TBCD: variants seen among roughly 807,000 people sequenced by gnomAD.
TBCD encodes tubulin folding cofactor D, also known as tubulin-specific chaperone D.
TBCD carries 105 observed loss-of-function variants against 169.3 expected under a neutral mutation model. The observed-to-expected ratio is 0.62, with a 90% CI of 0.53 to 0.73. The LOEUF (loss-of-function observed/expected upper bound fraction) is 0.73, where lower values mean the gene tolerates loss of function less well. Ranked by LOEUF, TBCD falls within the 30% of genes least tolerant of loss-of-function variation. The probability of loss-of-function intolerance (pLI) is 0.00; values close to 1 mark genes in which losing one functional copy is unlikely to be tolerated. For synonymous variants in TBCD, 700 were observed against 643.9 expected (o/e 1.09, Z -1.32); for missense variants, 1,444 against 1,600.1 (o/e 0.90, Z 1.66).
chr17:82,932,610 C>T (rs753963845), intron 33 of TBCD, 48 bp from the exon 34 acceptor site: 10 of 1,521,316 alleles, frequency 6.6e-6, no homozygotes, highest in Admixed American at 1.7e-5. Flanking sequence ...GGGAGTTGGG[C>T]GTCCTTGTTG....
At position 82,809,802 on chromosome 17, in the gene TBCD, G is replaced by A. The variant is rs760572394; in HGVS notation, c.1223+20G>A. 2 of 1,611,476 alleles carry A rather than the reference G, an allele frequency of 1.2e-6. No individual in the cohort carries two copies. The highest frequency in any genetic ancestry group is 2.2e-5 in the South Asian group (2 of 90,592). On this transcript the variant is annotated intron_variant, in intron 12 of 38. Coordinates refer to ENST00000355528, the MANE Select transcript of TBCD (RefSeq NM_005993.5). ...CTTCAGGTATGTGAGAAGAGCAGGGGAGGCGTGTGGGCCTGACCCTGAGTT... is the reference window on the plus strand; with the variant it reads ...CTTCAGGTATGTGAGAAGAGCAGGGAAGGCGTGTGGGCCTGACCCTGAGTT...
intron 37 of TBCD, among the ~76,000 whole-genome samples, chr17:82,939,679 C>T (rs2062949856): frequency 6.6e-6 from 1 of 152,236 alleles, no homozygotes; most frequent in Admixed American, 6.5e-5. Context: ...TGTCCCCAAA[C>T]AGTGTCAGGT....
At chr17:82,753,868 GTT>G (rs57196730) in intron 1 of TBCD, among the ~76,000 whole-genome samples, 179 of 125,260 alleles carry the variant, frequency 1.4e-3, no homozygotes, top group Non-Finnish European at 2.0e-3. Flanking sequence ...TAGACTAGAG[GTT>G]TTTTTTTTTT....
At chr17:82,857,100 T>G (rs1372432278) in intron 13 of TBCD, among the ~76,000 whole-genome samples, 4 of 152,258 alleles carry the variant, frequency 2.6e-5, no homozygotes, top group Non-Finnish European at 5.9e-5. Flanking sequence ...GCTTCTGGTT[T>G]CTCCATGTCC....
At chr17:82,937,610 G>T in intron 35 of TBCD, 1 of 592,446 alleles carries the variant, frequency 1.7e-6, no homozygotes, top group Non-Finnish European at 3.0e-6. Context: ...GCCCTGGCGG[G>T]AGGGGAGGCT....
chr17:82,799,101 A>T (rs1156306688), intron 8 of TBCD, among the ~76,000 whole-genome samples: 1 of 152,172 alleles, frequency 6.6e-6, no homozygotes, highest in African/African-American at 2.4e-5. Flanking sequence ...CTCCACGCAG[A>T]GGTTTACCAT....
chr17:82,887,181 ACGTG>A (rs2058812951), intron 15 of TBCD, among the ~76,000 whole-genome samples: 1 of 74,866 alleles, frequency 1.3e-5, no homozygotes. Context: ...GCGCGCGCGC[ACGTG>A]CGCTCACGCG....
intron 13 of TBCD, chr17:82,830,315 T>G (rs765399391): frequency 6.2e-7 from 1 of 1,614,164 alleles, no homozygotes; most frequent in Non-Finnish European, 8.5e-7. Flanking sequence ...AGTGTGGGTG[T>G]GTCTTGCCGG....
chr17:82,791,185 G>A (rs1180389961), intron 7 of TBCD, among the ~76,000 whole-genome samples: 2 of 147,818 alleles, frequency 1.4e-5, no homozygotes, highest in Non-Finnish European at 3.0e-5. Flanking sequence ...TCCGCCTCCC[G>A]GGTTCACGCC....
chr17:82,884,049 G>GCCT lies in TBCD; in HGVS notation c.1476-95_1476-93dup, dbSNP rs2058560385. On this transcript the variant is annotated intron_variant, in intron 14 of 38. Transcript: ENST00000355528. This position sits in a 1 kb window ranked among gnomAD's most constrained non-coding sequence, Gnocchi z 4.2. Reference sequence around the variant, plus strand: ...TGGGGCATGTCTGAACCTCAAGTGGGCCTGAGTCGTGAGAGAAAGGCTTTC... The same window carrying GCCT: ...TGGGGCATGTCTGAACCTCAAGTGGGCCTCCTGAGTCGTGAGAGAAAGGCTTTC... 2.5e-6 allele frequency: 3 copies of GCCT among 1,218,724 alleles called. No individual in the cohort carries two copies. The highest frequency in any genetic ancestry group is 3.5e-6 in the Non-Finnish European group (3 of 851,902). 75.5% of individuals were successfully genotyped at this position (1,218,724 alleles called of 1,614,324 possible). A position where few individuals can be genotyped will look rare whatever the true frequency, so the allele number is the denominator to read the frequency against.
At chr17:82,888,831 GGCGGGAGGTCGCTCCTCCAGA>G (rs1177464213) in intron 15 of TBCD, among the ~76,000 whole-genome samples, 3 of 152,236 alleles carry the variant, frequency 2.0e-5, no homozygotes, top group Admixed American at 6.5e-5. Flanking sequence ...AATCCTGCCA[GGCGGGAGGTCGCTCCTCCAGA>G]GCGTGGTCCC....
At position 82,903,013 on chromosome 17, in the gene TBCD, G is replaced by T. The variant is rs2059992392; in HGVS notation, c.1731-392G>T. Among the ~76,000 whole-genome samples the T allele has an allele frequency of 6.6e-6, 1 of 152,192 alleles. No homozygotes were observed. Among genetic ancestry groups the T allele is most frequent in the Non-Finnish European group, 1.5e-5 (1 of 68,046 alleles). On this transcript the variant is annotated intron_variant, in intron 18 of 38. Coordinates refer to ENST00000355528, the MANE Select transcript of TBCD (RefSeq NM_005993.5). The surrounding 1 kb of genome is among the most constrained non-coding windows in gnomAD (Gnocchi z 4.8). ...AGGCAGTTATTGGATATGTGCCCCAGATTTGGTGGGTGAGCCTCAGGAAAT... is the reference window on the plus strand; with the variant it reads ...AGGCAGTTATTGGATATGTGCCCCATATTTGGTGGGTGAGCCTCAGGAAAT...
At chr17:82,780,645 C>CTTTTTTT (rs36145167) in intron 6 of TBCD, among the ~76,000 whole-genome samples, 19 of 104,722 alleles carry the variant, frequency 1.8e-4, no homozygotes, top group African/African-American at 2.6e-4. Flanking sequence ...AAGACTTGGG[C>CTTTTTTT]TTTTTTTTTT....
At position 82,922,230 on chromosome 17, in the gene TBCD, G is replaced by A. The variant is rs142497565; in HGVS notation, c.2178+653G>A. On this transcript the variant is annotated intron_variant, in intron 25 of 38. Coordinates refer to ENST00000355528, the MANE Select transcript of TBCD (RefSeq NM_005993.5). This position sits in a 1 kb window ranked among gnomAD's most constrained non-coding sequence, Gnocchi z 4.1. ...ACAAAAATTAGCGGGGCGAGGTGGC[G>A]CGTGCCTGTAATCCCAGCTACTCAA... 3.9e-3 allele frequency among the ~76,000 whole-genome samples: 596 copies of A among 152,262 alleles called. 7 individuals are homozygous for A. The highest frequency in any genetic ancestry group is 0.014 in the African/African-American group (569 of 41,542).
At chr17:82,914,307 CCT>C (rs925184970) in intron 23 of TBCD, among the ~76,000 whole-genome samples, 24 of 152,154 alleles carry the variant, frequency 1.6e-4, no homozygotes, top group African/African-American at 4.8e-4. Flanking sequence ...TTTCTGTCTG[CCT>C]CTCTCTACCC....
intron 11 of TBCD, among the ~76,000 whole-genome samples, chr17:82,808,608 C>G (rs1352409615): frequency 9.9e-6 from 1 of 100,954 alleles, no homozygotes; most frequent in Non-Finnish European, 1.9e-5. Context: ...GGTCCAAGGG[C>G]TGGCAGGTGC....
chr17:82,918,859 C>CAGT (rs2061238631), intron 23 of TBCD: 1 of 152,196 alleles, frequency 6.6e-6, no homozygotes, highest in South Asian at 2.1e-4. Context: ...CACATCAGAG[C>CAGT]AGTACTCTGT....
intron 5 of TBCD, 99 bp from the exon 6 acceptor site, chr17:82,772,353 C>G (rs1394654654): frequency 8.0e-7 from 1 of 1,250,738 alleles, no homozygotes; most frequent in African/African-American, 1.5e-5. Flanking sequence ...GAACCTGGGC[C>G]CTCGGGGAGC....
At chr17:82,838,061 G>T (rs1274099894) in intron 13 of TBCD, among the ~76,000 whole-genome samples, 1 of 152,232 alleles carries the variant, frequency 6.6e-6, no homozygotes, top group East Asian at 1.9e-4. Flanking sequence ...TCTGGAAAGT[G>T]CGCTGAGCTG....
Sources: gnomAD v4.1 joint callset for allele counts (sites outside exome capture counted in the v4.1 genomes callset) on GRCh38, gnomAD v4.1.1 for gene constraint, Gnocchi (gnomAD v3.1) non-coding constraint, MANE v1.5 for transcripts, NCBI Gene and HGNC (gene_info 2026-07-23, HGNC 2026-07-21) for gene names.